Variants in POTEI observed in about 807,000 individuals in gnomAD.
POTEI encodes the protein POTE ankyrin domain family, member I.
Under a neutral mutation model 43.4 loss-of-function variants are expected in POTEI, and 14 were observed. The ratio of observed to expected loss-of-function variants is 0.32; its 90% confidence interval spans 0.21 to 0.50. The LOEUF (loss-of-function observed/expected upper bound fraction) is 0.50, where lower values mean the gene tolerates loss of function less well. POTEI is among the 20% of genes least tolerant of loss of function. The pLI, the probability that POTEI is intolerant of heterozygous loss-of-function variation, is 0.98. For synonymous variants in POTEI, 95 were observed against 297.9 expected, an observed-to-expected ratio of 0.32 and a Z score of 7.01; for missense variants, 235 against 795.4, an observed-to-expected ratio of 0.30 and a Z score of 8.47.
intron 1 of POTEI, among the ~76,000 whole-genome samples, chr2:130,507,024 G>A (rs912929482): frequency 6.8e-6 from 1 of 147,956 alleles, no homozygotes; most frequent in Non-Finnish European, 1.5e-5. Context: ...CAGCACTTGG[G>A]GAGGCCAAGG....
rs1446305205 is a variant in POTEI at position 130,461,575 on chromosome 2, G to C, written c.*1241C>G. 7 of 152,288 alleles carry C rather than the reference G, an allele frequency of 4.6e-5. No individual in the cohort carries two copies. Among genetic ancestry groups the C allele is most frequent in the African/African-American group, 1.7e-4 (7 of 41,530 alleles). 9.4% of individuals were successfully genotyped at this position (152,288 alleles called of 1,614,324 possible). A position where few individuals can be genotyped will look rare whatever the true frequency, so the allele number is the denominator to read the frequency against. On this transcript the variant is annotated 3_prime_UTR_variant, in exon 15 of 15. Coordinates refer to ENST00000451531, the MANE Select transcript of POTEI (RefSeq NM_001277406.2). ...AATGGCTAGTCACCGAAAGAGCAAA[G>C]GTGGGGGCCTGCCCCTCTCCGGGAG...
At chr2:130,476,999 T>C (rs1347919916) in intron 10 of POTEI, among the ~76,000 whole-genome samples, 2 of 141,174 alleles carry the variant, frequency 1.4e-5, no homozygotes, top group African/African-American at 5.6e-5. Context: ...AGTAGAAACA[T>C]ATAAGGTGAC....
At position 130,508,778 on chromosome 2, in the gene POTEI, G is replaced by A. The variant is rs1366621768; in HGVS notation, c.458C>T (p.Ala153Val). Reference sequence around the variant, plus strand: ...GAGCATGACGATCAGATCCTTTCTGGCGACTTTACCCCACCAGGCAGCTCT... The same window carrying A: ...GAGCATGACGATCAGATCCTTTCTGACGACTTTACCCCACCAGGCAGCTCT... ...LHRAAWWGKV[A>V]RKDLIVMLRD... is the part of the protein sequence containing the mutation. Residue 153 changes from alanine to valine, a missense_variant, in exon 1 of 15, where the codon GCC becomes GTC. Ala to Val is a moderately conservative substitution (Grantham distance 64). Transcript: ENST00000451531. The A allele has an allele frequency of 1.4e-6, 2 of 1,442,706 alleles. No individual in the cohort carries two copies. The highest frequency in any genetic ancestry group is 4.0e-5 in the African/African-American group (2 of 49,610). 89.4% of individuals were successfully genotyped at this position (1,442,706 alleles called of 1,614,324 possible).
At chr2:130,468,538 G>A (rs902443973) in intron 13 of POTEI, among the ~76,000 whole-genome samples, 1 of 151,862 alleles carries the variant, frequency 6.6e-6, no homozygotes, top group African/African-American at 2.4e-5. Context: ...AGCGCAAAGA[G>A]CCCCTTATGA....
chr2:130,477,159 C>CTT (rs879759124), intron 10 of POTEI, among the ~76,000 whole-genome samples: 12 of 145,198 alleles, frequency 8.3e-5, no homozygotes, highest in African/African-American at 1.5e-4. Flanking sequence ...TTTCTTTTTT[C>CTT]TTTTTTTTTT....
At chr2:130,498,071 C>T (rs1299634392) in intron 5 of POTEI, among the ~76,000 whole-genome samples, 1 of 123,600 alleles carries the variant, frequency 8.1e-6, no homozygotes, top group East Asian at 2.4e-4. Context: ...CAGCTGGGAG[C>T]CACTGCTCAG....
rs1246246077 is a variant in POTEI, at chr2:130,499,406, CA to C, written c.918-186del. Among the ~76,000 whole-genome samples, 2 of 37,650 alleles carry C rather than the reference CA, an allele frequency of 5.3e-5. 1 individual carries two copies. The highest frequency in any genetic ancestry group is 7.2e-4 in the Admixed American group (2 of 2,792). 24.7% of individuals were successfully genotyped at this position (37,650 alleles called of 152,430 possible). A position where few individuals can be genotyped will look rare whatever the true frequency, so the allele number is the denominator to read the frequency against. On this transcript the variant is annotated intron_variant, in intron 4 of 14. Transcript: ENST00000451531. ...ACCACAAAAGTTAAAAGGAAGGGAC[CA>C]AAAAAAACCCTCTTATCTCAGTGGG... is the stretch of plus-strand genomic sequence containing the variant.
Position 130,482,726 on chromosome 2 carries a change from AT to A in POTEI, c.1410-654del, listed in dbSNP as rs1462622527. On this transcript the variant is annotated intron_variant, in intron 9 of 14. Coordinates refer to ENST00000451531, the MANE Select transcript of POTEI (RefSeq NM_001277406.2). ...CAACTATGTCATAGTTTGTAACTAA[AT>A]TTTTTCATAAATATCTCATTAAAGT... 4.8e-5 allele frequency among the ~76,000 whole-genome samples: 7 copies of A among 147,172 alleles called. No individual in the cohort carries two copies. In the South Asian group the frequency reaches 8.9e-4, roughly 19 times the overall value.
chr2:130,504,952 A>T (rs1325025953), intron 1 of POTEI, among the ~76,000 whole-genome samples: 1 of 99,010 alleles, frequency 1.0e-5, no homozygotes, highest in Non-Finnish European at 2.1e-5. Flanking sequence ...CTGGATGTGC[A>T]GGTTTGTTAC....
At chr2:130,474,110 C>A (rs566103049) in intron 13 of POTEI, among the ~76,000 whole-genome samples, 4 of 148,254 alleles carry the variant, frequency 2.7e-5, no homozygotes, top group East Asian at 4.0e-4. Flanking sequence ...AACCTGCACA[C>A]GTACCCGAAG....
chr2:130,470,099 T>TA (rs1683007106), intron 13 of POTEI, among the ~76,000 whole-genome samples: 3 of 129,554 alleles, frequency 2.3e-5, no homozygotes, highest in African/African-American at 5.8e-5. Context: ...GCAAAATTGT[T>TA]AAAATGAACC....
intron 6 of POTEI, among the ~76,000 whole-genome samples, 157 bp downstream of exon 6, chr2:130,496,395 T>A (rs1683904808): frequency 9.2e-6 from 1 of 108,198 alleles, no homozygotes. Context: ...GTGATAATAA[T>A]ATAAAGTAGC....
At chr2:130,485,763 T>A (rs1271865890) in intron 9 of POTEI, among the ~76,000 whole-genome samples, 4 of 8,980 alleles carry the variant, frequency 4.5e-4, no homozygotes, top group African/African-American at 4.8e-4. Context: ...AAATGCATAA[T>A]TTACAGAAAA....
intron 10 of POTEI, among the ~76,000 whole-genome samples, chr2:130,481,666 C>A (rs1375353986): frequency 1.1e-3 from 8 of 7,528 alleles, no homozygotes; most frequent in African/African-American, 1.2e-3. Flanking sequence ...AACTGCCCAT[C>A]TGAGGGATCT....
At chr2:130,493,025 G>A (rs1421045904) in intron 6 of POTEI, among the ~76,000 whole-genome samples, 1 of 141,518 alleles carries the variant, frequency 7.1e-6, no homozygotes, top group Non-Finnish European at 1.5e-5. Context: ...ATATTGCTTT[G>A]TTTAAAGGAA....
Position 130,459,926 on chromosome 2 carries a change from T to A in POTEI, c.*2890A>T, listed in dbSNP as rs1682573617. On this transcript the variant is annotated 3_prime_UTR_variant, in exon 15 of 15. Transcript: ENST00000451531. ...ATTTCTTTTCTTTAATGGCAGTTGA[T>A]GTGGGTTGGGGTGTGTGCTGCACTC... 6.9e-6 allele frequency: 1 copy of A among 145,302 alleles called. No individual in the cohort carries two copies. The highest frequency in any genetic ancestry group is 1.5e-5 in the Non-Finnish European group (1 of 67,918). 9.0% of individuals were successfully genotyped at this position (145,302 alleles called of 1,614,324 possible).
At chr2:130,468,337 A>G (rs1214348957) in intron 13 of POTEI, among the ~76,000 whole-genome samples, 1 of 151,832 alleles carries the variant, frequency 6.6e-6, no homozygotes, top group Non-Finnish European at 1.5e-5. Flanking sequence ...ACATATGTAC[A>G]TAGCTGAGAC....
At position 130,509,037 on chromosome 2, in the gene POTEI, G is replaced by A. The variant is rs764981263; in HGVS notation, c.199C>T (p.His67Tyr). ...LRSKMGKWCC[H>Y]CFPCCRGSGK... ...CTCCCCCTGCAGCAGGGGAAGCAGT[G>A]GCAGCACCACTTGCCCATCTTGCTC... The change falls in exon 1 of 15, where the codon CAC becomes TAC. Residue 67 changes from histidine to tyrosine, a missense_variant. By Grantham distance (83) the His-to-Tyr change is moderately conservative (BLOSUM62 2). Transcript: ENST00000451531. 11 of 1,517,606 alleles carry A rather than the reference G, an allele frequency of 7.2e-6. No homozygotes were observed. The highest frequency in any genetic ancestry group is 1.8e-4 in the Middle Eastern group (1 of 5,548). 94.0% of individuals were successfully genotyped at this position (1,517,606 alleles called of 1,614,324 possible).
Position 130,509,011 on chromosome 2 carries a change from A to T in POTEI, c.225T>A (p.Ser75Arg), listed in dbSNP as rs28754532. ...CCHCFPCCRG[S>R]GKSNVGTSGD... is the part of the protein sequence containing the mutation. ...CAGAAGTGCCCACGTTGCTCTTGCC[A>T]CTCCCCCTGCAGCAGGGGAAGCAGT... Residue 75 changes from serine to arginine, a missense_variant, in exon 1 of 15, where the codon AGT (serine) becomes AGA (arginine). By Grantham distance (110) the Ser-to-Arg change is moderately radical (BLOSUM62 -1). Coordinates refer to ENST00000451531, the MANE Select transcript of POTEI (RefSeq NM_001277406.2). 15 of 1,458,174 alleles carry T rather than the reference A, an allele frequency of 1.0e-5. No homozygotes were observed. The highest frequency in any genetic ancestry group is 1.3e-5 in the Non-Finnish European group (14 of 1,076,400). The allele number at this position is 1,458,174 out of a possible 1,614,324, so 90.3% of individuals were successfully genotyped here.
Sources: gnomAD v4.1 joint callset for allele counts (sites outside exome capture counted in the v4.1 genomes callset) on GRCh38, gnomAD v4.1.1 for gene constraint, MANE v1.5 for transcripts, NCBI Gene and HGNC (gene_info 2026-07-23, HGNC 2026-07-21) for gene names.